Variants in STXBP4 observed in about 807,000 individuals in gnomAD.
The protein encoded by STXBP4 is syntaxin-binding protein 4.
A neutral mutation model predicts 76.1 loss-of-function variants in STXBP4; 55 were observed. The observed-to-expected ratio is 0.72, with a 90% CI of 0.58 to 0.91. STXBP4 has a LOEUF of 0.91. Among genes scored for constraint, STXBP4 ranks in the 40% least tolerant of loss-of-function variants. The pLI is 0.00. For synonymous variants in STXBP4, 201 were observed against 220.2 expected (o/e 0.91, Z 0.77); for missense variants, 618 against 636.9 (o/e 0.97, Z 0.32).
At chr17:55,021,853 A>G (rs1022289136) in intron 8 of STXBP4, among the ~76,000 whole-genome samples, 3 of 152,194 alleles carry the variant, frequency 2.0e-5, no homozygotes, top group African/African-American at 7.2e-5. Flanking sequence ...ACTCAAGAAT[A>G]GTTTCACAAT....
intron 3 of STXBP4, among the ~76,000 whole-genome samples, chr17:54,988,329 T>G (rs1239841485): frequency 2.0e-5 from 3 of 152,112 alleles, no homozygotes; most frequent in Non-Finnish European, 2.9e-5. Context: ...ATGCTGGAGA[T>G]TGTTTGTGCC....
chr17:55,061,708 A>G (rs1432046884), intron 12 of STXBP4, among the ~76,000 whole-genome samples: 1 of 152,238 alleles, frequency 6.6e-6, no homozygotes, highest in Non-Finnish European at 1.5e-5. Flanking sequence ...CATTTCAAGA[A>G]TATTGTATAA....
chr17:55,188,441 T>A, the STXBP4 span, among the ~76,000 whole-genome samples: 1 of 152,224 alleles, frequency 6.6e-6, no homozygotes, highest in Non-Finnish European at 1.5e-5. Flanking sequence ...TTCTGACCCA[T>A]GTTCCAGCTA....
chr17:55,132,790 G>T (rs1441004373), intron 16 of STXBP4, among the ~76,000 whole-genome samples: 1 of 152,150 alleles, frequency 6.6e-6, no homozygotes, highest in Non-Finnish European at 1.5e-5. Flanking sequence ...TCTTTTATGA[G>T]TGACTAGGGA....
At chr17:54,982,003 A>T (rs2144336429) in intron 1 of STXBP4, among the ~76,000 whole-genome samples, 1 of 152,308 alleles carries the variant, frequency 6.6e-6, no homozygotes, top group South Asian at 2.1e-4. Flanking sequence ...TCCAAACGTT[A>T]TTTAGTATAC....
rs2077747751 is a variant in STXBP4, at chr17:54,993,306, CA to C, written c.180+2351del. On this transcript the variant is annotated intron_variant, in intron 4 of 17. Transcript: ENST00000376352. ...GTCATATCTGACCAAGGAAAACAGG[CA>C]AGATAGAAAAAGGTGTAGGAGAAGA... 3.9e-5 allele frequency among the ~76,000 whole-genome samples: 6 copies of C among 152,196 alleles called. No individual in the cohort carries two copies. The South Asian group carries it at 1.2e-3, about 32-fold the overall frequency.
chr17:55,001,679 A>G (rs551729314), intron 7 of STXBP4, among the ~76,000 whole-genome samples: 11 of 152,302 alleles, frequency 7.2e-5, no homozygotes, highest in South Asian at 4.1e-4. Context: ...ATAGCTACCA[A>G]TCTTTTTTTT....
At chr17:55,139,787 G>A (rs2080075217) in intron 16 of STXBP4, among the ~76,000 whole-genome samples, 1 of 152,136 alleles carries the variant, frequency 6.6e-6, no homozygotes, top group Non-Finnish European at 1.5e-5. Flanking sequence ...TGTTCATTAA[G>A]AGAGAATAGA....
intron 16 of STXBP4, among the ~76,000 whole-genome samples, chr17:55,122,020 C>T (rs1305826037): frequency 6.6e-6 from 1 of 152,072 alleles, no homozygotes; most frequent in African/African-American, 2.4e-5. Flanking sequence ...AAAATAAATA[C>T]CTATTTGTTT....
chr17:54,972,375 T>C (rs1317388810), intron 1 of STXBP4, among the ~76,000 whole-genome samples: 1 of 152,232 alleles, frequency 6.6e-6, no homozygotes, highest in African/African-American at 2.4e-5. Context: ...TCTAATGTTA[T>C]CAGTCCTTCT....
chr17:55,034,590 A>G (rs2078566683), intron 10 of STXBP4, among the ~76,000 whole-genome samples: 1 of 152,094 alleles, frequency 6.6e-6, no homozygotes, highest in South Asian at 2.1e-4. Context: ...TTATCTCTCT[A>G]TAATATACAC....
chr17:55,080,831 T>C (rs2144911347), intron 15 of STXBP4, among the ~76,000 whole-genome samples: 1 of 152,312 alleles, frequency 6.6e-6, no homozygotes, highest in Admixed American at 6.5e-5. Flanking sequence ...ATACATGAAG[T>C]CAACCTAATT....
intron 12 of STXBP4, among the ~76,000 whole-genome samples, chr17:55,056,784 A>G (rs1005585239): frequency 1.3e-5 from 2 of 152,100 alleles, no homozygotes; most frequent in African/African-American, 4.8e-5. Context: ...AGGCAGGCAG[A>G]TCGCTTGAGC....
At chr17:55,008,032 A>G (rs1430709923) in intron 8 of STXBP4, among the ~76,000 whole-genome samples, 8 of 152,192 alleles carry the variant, frequency 5.3e-5, no homozygotes, top group Non-Finnish European at 1.5e-5. Flanking sequence ...GATGTCCACT[A>G]AATATAGAAA....
At chr17:55,209,507 G>T in the STXBP4 span, among the ~76,000 whole-genome samples, 9 of 152,300 alleles carry the variant, frequency 5.9e-5, no homozygotes, top group South Asian at 1.5e-3. Context: ...TGGGCAAGTT[G>T]TGCCTCACTT....
chr17:54,983,131 A>G (rs2077573908), intron 1 of STXBP4, among the ~76,000 whole-genome samples: 5 of 152,186 alleles, frequency 3.3e-5, no homozygotes, highest in Admixed American at 3.3e-4. Context: ...TTCGTGTTTA[A>G]TGATGACTTA....
At chr17:55,026,707 T>A (rs1567725341) in intron 8 of STXBP4, among the ~76,000 whole-genome samples, 1 of 152,148 alleles carries the variant, frequency 6.6e-6, no homozygotes, top group East Asian at 1.9e-4. Context: ...AAGGAAGCTA[T>A]TACTGATTCT....
chr17:55,117,700 A>G (rs938542692), intron 16 of STXBP4, among the ~76,000 whole-genome samples: 4 of 151,936 alleles, frequency 2.6e-5, no homozygotes, highest in African/African-American at 9.7e-5. Flanking sequence ...AGATGTTTAC[A>G]TTATGTGGGC....
rs11372599 is a variant in STXBP4, at chr17:55,164,438, C to CTTTTTTTTTTTTTTTTTTTTTTTT, written c.*4550_*4551insTTTTTTTTTTTTTTTTTTTTTTTT. 1 of 86,660 alleles carries CTTTTTTTTTTTTTTTTTTTTTTTT rather than the reference C, an allele frequency of 1.2e-5. No individual in the cohort carries two copies. The highest frequency in any genetic ancestry group is 2.1e-5 in the Non-Finnish European group (1 of 47,430). The allele number at this position is 86,660 out of a possible 1,614,324, so 5.4% of individuals were successfully genotyped here. A position where few individuals can be genotyped will look rare whatever the true frequency, so the allele number is the denominator to read the frequency against. On this transcript the variant is annotated 3_prime_UTR_variant, in exon 18 of 18. Coordinates refer to ENST00000376352, the MANE Select transcript of STXBP4 (RefSeq NM_178509.6). ...CTATATCACTCTACCCTGTTTATTT[C>CTTTTTTTTTTTTTTTTTTTTTTTT]TTTTTTTTTTTTTTTTTTTTTTTGA... is the stretch of plus-strand genomic sequence containing the variant.
Sources: gnomAD v4.1 joint callset for allele counts (sites outside exome capture counted in the v4.1 genomes callset) on GRCh38, gnomAD v4.1.1 for gene constraint, MANE v1.5 for transcripts, NCBI Gene and HGNC (gene_info 2026-07-23, HGNC 2026-07-21) for gene names.